Variants in DYNC2H1 observed in about 807,000 individuals in gnomAD.
DYNC2H1 encodes dynein cytoplasmic 2 heavy chain 1.
DYNC2H1 carries 410 observed loss-of-function variants against 570.0 expected under a neutral mutation model. The observed-to-expected ratio is 0.72, with a 90% CI of 0.66 to 0.78. The LOEUF (loss-of-function observed/expected upper bound fraction) is 0.78. Ranked by LOEUF, DYNC2H1 falls within the 30% of genes least tolerant of loss-of-function variation. The pLI, the probability that DYNC2H1 is intolerant of heterozygous loss-of-function variation, is 0.00. For synonymous variants in DYNC2H1, 1,688 were observed against 1,677.6 expected (o/e 1.01, Z -0.15); for missense variants, 4,865 against 5,046.4 (o/e 0.96, Z 1.09).
intron 32 of DYNC2H1, 67 bp downstream of exon 32, chr11:103,169,027 T>A: frequency 1.5e-6 from 2 of 1,348,068 alleles, no homozygotes; most frequent in Middle Eastern, 2.6e-4. Flanking sequence ...AATTTGTTAT[T>A]GGTAGAAATA....
Position 103,268,289 on chromosome 11 carries a change from C to T in DYNC2H1, c.10695+8312C>T, listed in dbSNP as rs1404367058. On this transcript the variant is annotated intron_variant, in intron 70 of 88. Transcript: ENST00000375735. The surrounding 1 kb of genome is among the most constrained non-coding windows in gnomAD (Gnocchi z 4.6). ...CAGTCCTTTAAATTTTTACCAAGCT[C>T]TGGTTTATAAATGTTATCTTATTGT... Among the ~76,000 whole-genome samples, 1 of 151,958 alleles carries T rather than the reference C, an allele frequency of 6.6e-6. No homozygotes were observed. The highest frequency in any genetic ancestry group is 2.4e-5 in the African/African-American group (1 of 41,408).
chr11:103,171,043 C>T lies in DYNC2H1; in HGVS notation c.5309C>T (p.Thr1770Ile), dbSNP rs1218127888. Residue 1770 changes from threonine (T) to isoleucine (I), a missense_variant, in exon 34 of 89, where the codon ACT (threonine) becomes ATT (isoleucine). This residue lies in a region of DYNC2H1 where 292 missense variants were observed against 300.2 expected (regional missense o/e 0.97). Transcript: ENST00000375735. The part of the protein sequence containing the change: ...TIQDALKNHR[T>I]VCELLGKEVE... ...CAAGATGCTTTGAAGAATCATAGAA[C>T]TGTATGTGAACTGCTTGGCAAGGAG... is the stretch of plus-strand genomic sequence containing the variant. 1.9e-6 allele frequency: 3 copies of T among 1,609,656 alleles called. No individual in the cohort carries two copies. Among genetic ancestry groups the T allele is most frequent in the Non-Finnish European group, 2.5e-6 (3 of 1,177,200 alleles).
At position 103,201,365 on chromosome 11, in the gene DYNC2H1, T is replaced by C. The variant is rs1200752414; in HGVS notation, c.8197+1211T>C. 5.3e-5 allele frequency among the ~76,000 whole-genome samples: 8 copies of C among 152,164 alleles called. No homozygotes were observed. Among genetic ancestry groups the C allele is most frequent in the Non-Finnish European group, 7.3e-5 (5 of 68,034 alleles). ...TTTCTATGGTTTGAAAATCATTACT[T>C]GCATTTTGCCTCTGAGATAAGTTCG... On this transcript the variant is annotated intron_variant, in intron 50 of 88. Coordinates refer to ENST00000375735, the MANE Select transcript of DYNC2H1 (RefSeq NM_001377.3). This position sits in a 1 kb window ranked among gnomAD's most constrained non-coding sequence, Gnocchi z 4.8.
intron 88 of DYNC2H1, among the ~76,000 whole-genome samples, chr11:103,475,992 C>T (rs1456625308): frequency 6.6e-6 from 1 of 152,070 alleles, no homozygotes. Flanking sequence ...AATTTAAGAC[C>T]TTTCCCAGGA....
chr11:103,197,448 T>C (rs550331914), intron 47 of DYNC2H1, among the ~76,000 whole-genome samples: 1 of 152,150 alleles, frequency 6.6e-6, no homozygotes, highest in Admixed American at 6.6e-5. Flanking sequence ...GTATTTCTTT[T>C]CTATTTATTT....
chr11:103,148,731 G>T (rs1002664262), intron 20 of DYNC2H1, 114 bp downstream of exon 20: 17 of 1,283,638 alleles, frequency 1.3e-5, no homozygotes, highest in Non-Finnish European at 1.8e-5. Flanking sequence ...TTATAAGGAG[G>T]TCCACAATAG....
intron 87 of DYNC2H1, among the ~76,000 whole-genome samples, chr11:103,457,849 C>G (rs1472331424): frequency 6.6e-6 from 1 of 152,018 alleles, no homozygotes; most frequent in Non-Finnish European, 1.5e-5. Context: ...GTTCTAGTTT[C>G]CTGCTCAAAA....
At chr11:103,126,366 T>C (rs900472218) in intron 12 of DYNC2H1, among the ~76,000 whole-genome samples, 1 of 152,232 alleles carries the variant, frequency 6.6e-6, no homozygotes, top group Non-Finnish European at 1.5e-5. Flanking sequence ...ATCAAAAATA[T>C]CTCTAGATAT....
Position 103,264,280 on chromosome 11 carries a change from A to C in DYNC2H1, c.10695+4303A>C, listed in dbSNP as rs529465749. 1.5e-3 allele frequency among the ~76,000 whole-genome samples: 224 copies of C among 152,306 alleles called. 2 individuals carry two copies. The highest frequency in any genetic ancestry group is 2.8e-3 in the Non-Finnish European group (192 of 68,004). ...CAGCCAAATTCTACCAGAGGTACAA[A>C]GAGGAGTTGGTACCATTCCTTCTGA... On this transcript the variant is annotated intron_variant, in intron 70 of 88. Coordinates refer to ENST00000375735, the MANE Select transcript of DYNC2H1 (RefSeq NM_001377.3). The surrounding 1 kb of genome is among the most constrained non-coding windows in gnomAD (Gnocchi z 4.8).
chr11:103,433,319 GAAT>G (rs1296665124), intron 84 of DYNC2H1, among the ~76,000 whole-genome samples: 3 of 150,298 alleles, frequency 2.0e-5, no homozygotes, highest in African/African-American at 7.4e-5. Context: ...CTGAATGGAT[GAAT>G]AATGACTTAA....
intron 78 of DYNC2H1, among the ~76,000 whole-genome samples, chr11:103,310,415 T>C (rs1427379061): frequency 1.3e-5 from 2 of 152,072 alleles, no homozygotes; most frequent in Non-Finnish European, 1.5e-5. Context: ...TTTTGTTTCA[T>C]TTATTTTTCA....
chr11:103,122,716 G>T, intron 10 of DYNC2H1, 109 bp from the exon 11 acceptor site: 1 of 940,412 alleles, frequency 1.1e-6, no homozygotes, highest in South Asian at 2.0e-5. Context: ...GTTTATAGAT[G>T]AAAGGTAAAA....
intron 88 of DYNC2H1, 73 bp from the exon 89 acceptor site, chr11:103,479,022 T>C: frequency 6.6e-7 from 1 of 1,508,250 alleles, no homozygotes; most frequent in Non-Finnish European, 9.1e-7. Flanking sequence ...ATATGTTTGT[T>C]TCCTTGGTTA....
At chr11:103,449,082 C>G (rs1944515396) in intron 85 of DYNC2H1, among the ~76,000 whole-genome samples, 1 of 152,098 alleles carries the variant, frequency 6.6e-6, no homozygotes, top group South Asian at 2.1e-4. Flanking sequence ...AGGGAATAGC[C>G]TATACAGGTA....
intron 84 of DYNC2H1, chr11:103,406,922 C>T (rs1351964686): frequency 6.6e-6 from 1 of 151,796 alleles, no homozygotes; most frequent in African/African-American, 2.4e-5. Context: ...TGAAAGAGGA[C>T]TCTTTCTAGT....
At chr11:103,218,829 AT>A (rs1185302076) in intron 55 of DYNC2H1, among the ~76,000 whole-genome samples, 3 of 152,308 alleles carry the variant, frequency 2.0e-5, no homozygotes, top group African/African-American at 7.2e-5. Context: ...TAAGTTAATA[AT>A]TTTGCTTAAT....
At chr11:103,427,669 G>C (rs1214750265) in intron 84 of DYNC2H1, among the ~76,000 whole-genome samples, 1 of 151,994 alleles carries the variant, frequency 6.6e-6, no homozygotes, top group East Asian at 1.9e-4. Context: ...TTCACACTGT[G>C]GAGGGAAGAA....
chr11:103,315,093 C>A (rs79671688), intron 79 of DYNC2H1, among the ~76,000 whole-genome samples: 1 of 151,660 alleles, frequency 6.6e-6, no homozygotes, highest in African/African-American at 2.4e-5. Context: ...CCACAATGTT[C>A]TTTTTTTAAA....
intron 82 of DYNC2H1, among the ~76,000 whole-genome samples, chr11:103,353,368 G>C (rs964036206): frequency 6.6e-6 from 1 of 152,084 alleles, no homozygotes; most frequent in Non-Finnish European, 1.5e-5. Context: ...GGTCATGCTT[G>C]TTGATTGTGT....
Sources: gnomAD v4.1 joint callset for allele counts (sites outside exome capture counted in the v4.1 genomes callset) on GRCh38, gnomAD v4.1.1 for gene constraint, gnomAD v4.1.1 regional missense constraint, Gnocchi (gnomAD v3.1) non-coding constraint, MANE v1.5 for transcripts, NCBI Gene and HGNC (gene_info 2026-07-23, HGNC 2026-07-21) for gene names.